The following DDAH1 variants were observed in gnomAD, a reference collection of about 807,000 sequenced individuals.
DDAH1 encodes dimethylarginine dimethylaminohydrolase 1.
Under a neutral mutation model 28.8 loss-of-function variants are expected in DDAH1, and 19 were observed. The ratio of observed to expected loss-of-function variants is 0.66; its 90% confidence interval spans 0.46 to 0.97. The LOEUF (loss-of-function observed/expected upper bound fraction) is 0.97. Among genes scored for constraint, DDAH1 ranks in the 50% least tolerant of loss-of-function variants. The pLI is 0.00. For missense variants in DDAH1, 326 were observed against 375.9 expected (o/e 0.87, Z 1.10); for synonymous variants, 153 against 154.4 (o/e 0.99, Z 0.07).
At position 85,551,854 on chromosome 1, in the gene DDAH1, G is replaced by A. The variant is rs117671053; in HGVS notation, c.-123+26130C>T. On this transcript the variant is annotated intron_variant, in intron 1 of 6. Coordinates refer to the DDAH1 transcript ENST00000426972. ...ACATGTGGCAGTGAGATAGAGCATG[G>A]CATGCTCAGGGAATGGCTATGGGTT... 3.7e-4 allele frequency among the ~76,000 whole-genome samples: 56 copies of A among 152,308 alleles called. 1 individual carries two copies. In the East Asian group the frequency reaches 9.8e-3, roughly 27 times the overall value.
At chr1:85,521,507 C>T (rs1376058963) in intron 1 of DDAH1, 5 of 588,344 alleles carry the variant, frequency 8.5e-6, no homozygotes, top group South Asian at 7.4e-5. Flanking sequence ...TGAAAACCTT[C>T]GTAAGAGAGC....
At chr1:85,366,331 C>G (rs1236328019) in intron 1 of DDAH1, among the ~76,000 whole-genome samples, 1 of 152,084 alleles carries the variant, frequency 6.6e-6, no homozygotes, top group South Asian at 2.1e-4. Context: ...TTTGTTATAA[C>G]TTTTACATGA....
intron 2 of DDAH1, among the ~76,000 whole-genome samples, chr1:85,492,161 G>A (rs756012063): frequency 1.6e-4 from 24 of 152,266 alleles, no homozygotes; most frequent in Non-Finnish European, 1.6e-4. Flanking sequence ...ACTCAGGCTT[G>A]TCTGAGTCTG....
chr1:85,467,331 C>G (rs1346584297), upstream of DDAH1: 4 of 152,180 alleles, frequency 2.6e-5, no homozygotes, highest in Non-Finnish European at 4.4e-5. Flanking sequence ...ACTCAGTGCC[C>G]TGAGTCTAAC....
intron 1 of DDAH1, among the ~76,000 whole-genome samples, chr1:85,552,952 A>C (rs1658842953): frequency 6.6e-6 from 1 of 152,108 alleles, no homozygotes; most frequent in Non-Finnish European, 1.5e-5. Flanking sequence ...AACAGAATGT[A>C]GCAGGACTTT....
At chr1:85,577,967 C>A in intron 1 of DDAH1, 1 of 985,448 alleles carries the variant, frequency 1.0e-6, no homozygotes, top group Non-Finnish European at 1.2e-6. Context: ...AGAATTAGCA[C>A]CCGAAGCAAC....
intron 1 of DDAH1, among the ~76,000 whole-genome samples, chr1:85,454,280 CT>C (rs1654788598): frequency 6.6e-6 from 1 of 152,194 alleles, no homozygotes; most frequent in African/African-American, 2.4e-5. Context: ...AATCTTCCCC[CT>C]CTTCATGTTC....
At chr1:85,341,311 G>A (rs1648460738) in intron 4 of DDAH1, among the ~76,000 whole-genome samples, 1 of 152,244 alleles carries the variant, frequency 6.6e-6, no homozygotes, top group South Asian at 2.1e-4. Flanking sequence ...AAGTCTTTTT[G>A]CAGAAGAGAC....
chr1:85,436,345 A>T (rs1281000929), intron 1 of DDAH1, among the ~76,000 whole-genome samples: 2 of 152,084 alleles, frequency 1.3e-5, no homozygotes, highest in Non-Finnish European at 2.9e-5. Flanking sequence ...ATTAATATTT[A>T]TCATATTTTA....
intron 1 of DDAH1, among the ~76,000 whole-genome samples, chr1:85,532,706 G>A (rs1658132369): frequency 6.6e-6 from 1 of 152,062 alleles, no homozygotes; most frequent in Non-Finnish European, 1.5e-5. Flanking sequence ...CCTCTTTTAA[G>A]TGTCTTCTGC....
At chr1:85,466,785 G>A (rs1655396762), upstream of DDAH1, among the ~76,000 whole-genome samples, 1 of 146,170 alleles carries the variant, frequency 6.8e-6, no homozygotes, top group Non-Finnish European at 1.5e-5. Flanking sequence ...AGCTTGCCCT[G>A]GTTAAATATA....
intron 1 of DDAH1, among the ~76,000 whole-genome samples, chr1:85,499,315 T>C (rs1410042040): frequency 1.3e-5 from 2 of 152,338 alleles, no homozygotes; most frequent in African/African-American, 2.4e-5. Flanking sequence ...AGGTAATTCA[T>C]ATATACATTA....
intron 1 of DDAH1, among the ~76,000 whole-genome samples, chr1:85,529,108 T>A (rs2100771540): frequency 6.7e-6 from 1 of 150,332 alleles, no homozygotes; most frequent in Non-Finnish European, 1.5e-5. Context: ...TAAGATAGGG[T>A]CGGATATTAA....
intron 2 of DDAH1, among the ~76,000 whole-genome samples, chr1:85,482,721 C>T (rs1390933087): frequency 6.6e-6 from 1 of 152,174 alleles, no homozygotes; most frequent in African/African-American, 2.4e-5. Context: ...TGGACATGTG[C>T]ACTCACAAAG....
At chr1:85,349,626 C>A (rs79802930) in intron 4 of DDAH1, among the ~76,000 whole-genome samples, 3 of 152,218 alleles carry the variant, frequency 2.0e-5, no homozygotes, top group African/African-American at 7.2e-5. Flanking sequence ...AATACCACCT[C>A]TCTCATTCAT....
At chr1:85,481,198 A>G (rs1656004483) in intron 2 of DDAH1, among the ~76,000 whole-genome samples, 1 of 147,718 alleles carries the variant, frequency 6.8e-6, no homozygotes, top group African/African-American at 2.5e-5. Flanking sequence ...CCCAGGTTGA[A>G]GTGATTCTCC....
intron 1 of DDAH1, among the ~76,000 whole-genome samples, chr1:85,406,415 C>A (rs1652405990): frequency 6.6e-6 from 1 of 151,966 alleles, no homozygotes; most frequent in Non-Finnish European, 1.5e-5. Flanking sequence ...ATCCTCTCAG[C>A]AAAATGAAAT....
intron 1 of DDAH1, among the ~76,000 whole-genome samples, chr1:85,531,888 A>G (rs1185827669): frequency 6.6e-6 from 1 of 151,240 alleles, no homozygotes; most frequent in African/African-American, 2.4e-5. Flanking sequence ...ACAGCTAGAA[A>G]AAGGCAGGGC....
chr1:85,377,262 T>C (rs1163665647), intron 1 of DDAH1, among the ~76,000 whole-genome samples: 1 of 152,178 alleles, frequency 6.6e-6, no homozygotes, highest in East Asian at 1.9e-4. Context: ...AAAGCCAATG[T>C]TAAGACTATG....
Sources: allele counts gnomAD v4.1 joint callset (sites outside exome capture counted in the v4.1 genomes callset), GRCh38; gene constraint gnomAD v4.1.1; transcripts MANE v1.5; gene names NCBI Gene and HGNC (gene_info 2026-07-23, HGNC 2026-07-21).